The following MYO6 variants were observed in gnomAD, a reference collection of about 807,000 sequenced individuals.
The protein encoded by MYO6 is unconventional myosin-VI.
A neutral mutation model predicts 178.7 loss-of-function variants in MYO6; 74 were observed. The ratio of observed to expected loss-of-function variants is 0.41; its 90% CI spans 0.34 to 0.50. The LOEUF (loss-of-function observed/expected upper bound fraction) is 0.50. Among genes scored for constraint, MYO6 ranks in the 20% least tolerant of loss-of-function variants. The pLI is 0.09. For missense variants in MYO6, 1,330 were observed against 1,547.4 expected (o/e 0.86, Z 2.36); for synonymous variants, 477 against 504.6 (o/e 0.95, Z 0.73).
chr6:75,908,507 C>G lies in MYO6; in HGVS notation c.3292C>G (p.Leu1098Val). ...TINTSCDIEL[L>V]AACREEFHRR... ...AATGTAATCAATAGATATTGAGCTC[C>G]TGGCAGCTTGCAGAGAAGAATTTCA... The change falls in exon 32 of 35, where the codon CTG (leucine) becomes GTG (valine). Residue 1098 changes from leucine to valine, a missense_variant. By Grantham distance (32) the Leu-to-Val change is conservative (BLOSUM62 1). Coordinates refer to ENST00000369977, the MANE Select transcript of MYO6 (RefSeq NM_004999.4). 6.2e-7 allele frequency: 1 copy of G among 1,613,110 alleles called. No individual in the cohort carries two copies. The highest frequency in any genetic ancestry group is 8.5e-7 in the Non-Finnish European group (1 of 1,179,596).
At chr6:75,848,650 A>T (rs535825723) in intron 11 of MYO6, 119 bp downstream of exon 11, 23 of 954,090 alleles carry the variant, frequency 2.4e-5, no homozygotes, top group Non-Finnish European at 3.4e-5. Flanking sequence ...AATATCTAAA[A>T]TATACTGAGT....
chr6:75,912,362 A>G (rs1780820663), intron 33 of MYO6, among the ~76,000 whole-genome samples: 1 of 152,030 alleles, frequency 6.6e-6, no homozygotes, highest in South Asian at 2.1e-4. Context: ...ATAATTTATA[A>G]GGCTGTATTT....
intron 1 of MYO6, among the ~76,000 whole-genome samples, chr6:75,787,765 T>TATATATATATATATATGTA: frequency 9.5e-6 from 1 of 105,592 alleles, no homozygotes; most frequent in African/African-American, 4.4e-5. Flanking sequence ...TATATATGTA[T>TATATATATATATATATGTA]TTTTTTTTTT....
At chr6:75,898,201 T>TA (rs1268196899) in intron 29 of MYO6, among the ~76,000 whole-genome samples, 172 bp from the exon 30 acceptor site, 1 of 152,220 alleles carries the variant, frequency 6.6e-6, no homozygotes, top group East Asian at 1.9e-4. Flanking sequence ...TTCTGTGTGT[T>TA]ACGGCTAGAT....
rs181225026 is a variant in MYO6, at chr6:75,793,559, G to A, written c.-47-23942G>A. 1.4e-4 allele frequency among the ~76,000 whole-genome samples: 21 copies of A among 151,738 alleles called. No homozygotes were observed. The East Asian group carries it at 3.1e-3, about 22-fold the overall frequency. Reference sequence around the variant, plus strand: ...GCAGAGGTTGCTGTGAGCCAAGATCGTACCACTACCCTCCAGCCTGGGCGA... The same window carrying A: ...GCAGAGGTTGCTGTGAGCCAAGATCATACCACTACCCTCCAGCCTGGGCGA... On this transcript the variant is annotated intron_variant, in intron 1 of 34. Coordinates refer to ENST00000369977, the MANE Select transcript of MYO6 (RefSeq NM_004999.4).
intron 2 of MYO6, among the ~76,000 whole-genome samples, chr6:75,822,166 C>T (rs1466827531): frequency 5.3e-5 from 8 of 150,928 alleles, no homozygotes; most frequent in Non-Finnish European, 1.0e-4. Context: ...GGCATGATCT[C>T]GGCTCACTGC....
In MYO6 at chr6:75,810,741, G is replaced by A. The variant is rs143243995; in HGVS notation, c.-47-6760G>A. 1.3e-3 allele frequency among the ~76,000 whole-genome samples: 202 copies of A among 152,320 alleles called. 1 individual carries two copies. Among genetic ancestry groups the A allele is most frequent in the African/African-American group, 4.5e-3 (189 of 41,574 alleles). On this transcript the variant is annotated intron_variant, in intron 1 of 34. Coordinates refer to ENST00000369977, the MANE Select transcript of MYO6 (RefSeq NM_004999.4). ...ATTTAGCAGGATTCTTGCTAAAACT[G>A]GGCTGTGCAGGCCTGTCAAGAGATA...
chr6:75,847,893 C>T (rs1003927659), intron 10 of MYO6, among the ~76,000 whole-genome samples: 1 of 151,526 alleles, frequency 6.6e-6, no homozygotes, highest in Non-Finnish European at 1.5e-5. Context: ...TTATACAGTA[C>T]ATTGGAATAC....
At chr6:75,817,714 G>A in intron 2 of MYO6, 50 bp downstream of exon 2, 1 of 1,510,944 alleles carries the variant, frequency 6.6e-7, no homozygotes, top group Non-Finnish European at 9.2e-7. Flanking sequence ...AAAAATAGGT[G>A]TTTTTTTTCA....
intron 18 of MYO6, among the ~76,000 whole-genome samples, chr6:75,869,762 A>G (rs948286121): frequency 3.9e-5 from 6 of 152,024 alleles, no homozygotes; most frequent in African/African-American, 1.4e-4. Context: ...TTCATTGTCA[A>G]TTTTTTTTGA....
chr6:75,825,826 C>T (rs1192424020), intron 3 of MYO6, among the ~76,000 whole-genome samples: 3 of 151,896 alleles, frequency 2.0e-5, no homozygotes, highest in Non-Finnish European at 2.9e-5. Flanking sequence ...TGAAGTCATA[C>T]CTAATCTTCA....
In MYO6 at chr6:75,915,258, A is replaced by T; in HGVS notation, c.*246A>T. On this transcript the variant is annotated 3_prime_UTR_variant, in exon 35 of 35. Transcript: ENST00000369977. ...TCTCATTATTCTCTAACTATTACAC[A>T]TGGGCATATTCTGATGTTTCTCATC... The T allele has an allele frequency of 1.9e-6, 1 of 528,198 alleles. No individual in the cohort carries two copies. Among genetic ancestry groups the T allele is most frequent in the East Asian group, 3.5e-5 (1 of 28,836 alleles). 32.7% of individuals were successfully genotyped at this position (528,198 alleles called of 1,614,324 possible).
chr6:75,749,841 T>C (rs542040402), intron 1 of MYO6, among the ~76,000 whole-genome samples: 51 of 152,300 alleles, frequency 3.3e-4, no homozygotes, highest in African/African-American at 1.2e-3. Context: ...ATTAATAGTC[T>C]AATCATGTAG....
chr6:75,895,658 C>T (rs572639121), intron 29 of MYO6, among the ~76,000 whole-genome samples: 7 of 151,942 alleles, frequency 4.6e-5, no homozygotes, highest in Non-Finnish European at 1.0e-4. Context: ...GCTGGGACTA[C>T]AGGCACGCAC....
intron 2 of MYO6, among the ~76,000 whole-genome samples, chr6:75,820,658 A>T (rs1438292173): frequency 1.3e-5 from 2 of 152,150 alleles, no homozygotes; most frequent in Non-Finnish European, 2.9e-5. Context: ...GGTGTGAGCC[A>T]CCGCACCTGG....
intron 1 of MYO6, among the ~76,000 whole-genome samples, chr6:75,782,389 C>G (rs986132725): frequency 6.6e-6 from 1 of 152,022 alleles, no homozygotes; most frequent in Admixed American, 6.6e-5. Context: ...ATTGCTGCTG[C>G]TTCCACATAA....
At chr6:75,820,504 G>T (rs1432475289) in intron 2 of MYO6, among the ~76,000 whole-genome samples, 1 of 151,980 alleles carries the variant, frequency 6.6e-6, no homozygotes, top group Non-Finnish European at 1.5e-5. Flanking sequence ...CGAGTAGCTG[G>T]GATTACAGGT....
At position 75,915,987 on chromosome 6, in the gene MYO6, A is replaced by G. The variant is rs951125407; in HGVS notation, c.*975A>G. The G allele has an allele frequency of 6.6e-6, 1 of 152,562 alleles. No homozygotes were observed. The highest frequency in any genetic ancestry group is 2.4e-5 in the African/African-American group (1 of 41,426). 9.5% of individuals were successfully genotyped at this position (152,562 alleles called of 1,614,324 possible). A position where few individuals can be genotyped will look rare whatever the true frequency, so the allele number is the denominator to read the frequency against. ...TGGCCTTTGAGGTTTTGGTAATTGT[A>G]GACCTGTTTCATAAGCTTTGTAATT... On this transcript the variant is annotated 3_prime_UTR_variant, in exon 35 of 35. Coordinates refer to ENST00000369977, the MANE Select transcript of MYO6 (RefSeq NM_004999.4).
chr6:75,826,438 T>C (rs1772475358), intron 3 of MYO6, among the ~76,000 whole-genome samples: 1 of 152,162 alleles, frequency 6.6e-6, no homozygotes, highest in South Asian at 2.1e-4. Flanking sequence ...CTGTGTAGGC[T>C]TATATGATTA....
Sources: allele counts gnomAD v4.1 joint callset (sites outside exome capture counted in the v4.1 genomes callset), GRCh38; gene constraint gnomAD v4.1.1; transcripts MANE v1.5; gene names NCBI Gene and HGNC (gene_info 2026-07-23, HGNC 2026-07-21).